Variants in PCDH15 observed in about 807,000 individuals in gnomAD.
The protein encoded by PCDH15 is protocadherin related 15.
In PCDH15, 129 loss-of-function variants were observed where a neutral mutation model predicts 178.5. That is an observed-to-expected ratio of 0.72 (90% confidence interval 0.63 to 0.84). The LOEUF (loss-of-function observed/expected upper bound fraction) is 0.84, where lower values mean the gene tolerates loss of function less well. PCDH15 is among the 40% of genes least tolerant of loss of function. PCDH15 has a pLI of 0.00. For synonymous variants in PCDH15, 800 were observed against 732.0 expected, an observed-to-expected ratio of 1.09 and a Z score of -1.50; for missense variants, 2,230 against 2,099.9, an observed-to-expected ratio of 1.06 and a Z score of -1.21.
intron 2 of PCDH15, among the ~76,000 whole-genome samples, chr10:55,144,775 T>C (rs1838456721): frequency 6.6e-6 from 1 of 152,128 alleles, no homozygotes; most frequent in Non-Finnish European, 1.5e-5. Context: ...TATAATTACT[T>C]GCTCACATTT....
intron 2 of PCDH15, among the ~76,000 whole-genome samples, chr10:55,353,470 A>T (rs1844995409): frequency 6.6e-6 from 1 of 152,134 alleles, no homozygotes; most frequent in Non-Finnish European, 1.5e-5. Context: ...CTGGTTCTAG[A>T]CCAGAAATTT....
At chr10:55,614,959 T>C (rs1055701059) in intron 2 of PCDH15, among the ~76,000 whole-genome samples, 1 of 152,134 alleles carries the variant, frequency 6.6e-6, no homozygotes, top group East Asian at 1.9e-4. Flanking sequence ...ATTTTCCTTT[T>C]ATAGGAAGCT....
intron 3 of PCDH15, among the ~76,000 whole-genome samples, chr10:54,494,274 A>T (rs955657867): frequency 3.3e-5 from 5 of 152,186 alleles, no homozygotes; most frequent in African/African-American, 1.2e-4. Context: ...ACCCTTTTGT[A>T]TTCCAGAGAA....
intron 8 of PCDH15, among the ~76,000 whole-genome samples, chr10:54,262,893 G>C (rs978375452): frequency 6.6e-6 from 1 of 152,028 alleles, no homozygotes; most frequent in African/African-American, 2.4e-5. Flanking sequence ...CCGCCAGGGC[G>C]AGTGTCTGTG....
chr10:54,112,005 T>A (rs2095034180), intron 15 of PCDH15, among the ~76,000 whole-genome samples: 1 of 144,642 alleles, frequency 6.9e-6, no homozygotes, highest in Admixed American at 6.9e-5. Context: ...TAGCTTAGCG[T>A]GGTGGTGGGC....
chr10:55,475,608 A>G (rs1281748158), intron 2 of PCDH15, among the ~76,000 whole-genome samples: 1 of 152,140 alleles, frequency 6.6e-6, no homozygotes, highest in African/African-American at 2.4e-5. Flanking sequence ...CCATAAGCAA[A>G]TTCTTTACAA....
At chr10:55,390,220 A>G (rs1023024505) in intron 2 of PCDH15, among the ~76,000 whole-genome samples, 2 of 152,150 alleles carry the variant, frequency 1.3e-5, no homozygotes, top group Non-Finnish European at 2.9e-5. Flanking sequence ...AAAACAAGGT[A>G]TACACCTTAA....
chr10:53,823,460 A>AACATCAAAGGCCAAACAACACTAACCTAC, intron 32 of PCDH15: 1 of 1,121,858 alleles, frequency 8.9e-7, no homozygotes, highest in Non-Finnish European at 1.4e-6. Context: ...AATACTTAAA[A>AACATCAAAGGCCAAACAACACTAACCTAC]ACATCAAAGG....
At position 53,892,020 on chromosome 10, in the gene PCDH15, GTTTTTTTTTTT is replaced by G. The variant is rs869122093; in HGVS notation, c.3501+11212_3501+11222del. On this transcript the variant is annotated intron_variant, in intron 26 of 37. Transcript: ENST00000644397. ...GTTATCAGAGCAGCTTTACATCTAT[GTTTTTTTTTTT>G]TTTTTTTTTTTTTCCAAGACAGAGT... 4.2e-3 allele frequency among the ~76,000 whole-genome samples: 388 copies of G among 91,890 alleles called. 4 individuals carry two copies. The highest frequency in any genetic ancestry group is 0.015 in the African/African-American group (362 of 23,364). 60.3% of individuals were successfully genotyped at this position (91,890 alleles called of 152,430 possible).
intron 20 of PCDH15, among the ~76,000 whole-genome samples, chr10:54,011,529 A>G (rs1374198675): frequency 6.6e-6 from 1 of 152,222 alleles, no homozygotes; most frequent in Non-Finnish European, 1.5e-5. Context: ...ATATACAGCC[A>G]GCAGTCAAGT....
chr10:54,295,996 T>G lies in PCDH15; in HGVS notation c.876+21275A>C, dbSNP rs371178884. ...CGTCTCTACTAAAAAATACAAAAAA[T>G]TAGCCGGGCGTAGTGGCGGGCGCCT... On this transcript the variant is annotated intron_variant, in intron 8 of 37. Coordinates refer to ENST00000644397, the MANE Select transcript of PCDH15 (RefSeq NM_001384140.1). Among the ~76,000 whole-genome samples the G allele has an allele frequency of 4.7e-5, 7 of 150,228 alleles. No homozygotes were observed. In the East Asian group the frequency reaches 7.9e-4, roughly 17 times the overall value.
rs114692644 is a variant in PCDH15 at position 55,382,958 on chromosome 10, A to T, written c.-155-216307T>A. 9.0e-3 allele frequency among the ~76,000 whole-genome samples: 1,368 copies of T among 152,298 alleles called. 26 individuals carry two copies. Among genetic ancestry groups the T allele is most frequent in the African/African-American group, 0.032 (1,318 of 41,568 alleles). ...AGTTAATGCTCTTTTAGCAGTTGCC[A>T]TCTGTGGATGGCTAAGTATTAACCA... On this transcript the variant is annotated intron_variant, in intron 2 of 5. Coordinates refer to the PCDH15 transcript ENST00000613346.
intron 2 of PCDH15, among the ~76,000 whole-genome samples, chr10:54,597,440 T>C (rs574000226): frequency 8.4e-4 from 127 of 152,088 alleles, no homozygotes; most frequent in Middle Eastern, 3.4e-3. Flanking sequence ...TGGGACACAA[T>C]TAAGGCAGTG....
At chr10:55,441,225 C>G (rs1839177195) in intron 2 of PCDH15, among the ~76,000 whole-genome samples, 1 of 152,196 alleles carries the variant, frequency 6.6e-6, no homozygotes, top group Admixed American at 6.5e-5. Flanking sequence ...CCTCTGTAAC[C>G]AATCAGAACT....
chr10:54,227,626 G>A (rs1202107049), intron 9 of PCDH15, among the ~76,000 whole-genome samples: 1 of 152,174 alleles, frequency 6.6e-6, no homozygotes, highest in Non-Finnish European at 1.5e-5. Context: ...TCTGCAGCCA[G>A]CTTGAATTTC....
At chr10:55,448,699 A>G (rs1839370181) in intron 2 of PCDH15, among the ~76,000 whole-genome samples, 1 of 152,082 alleles carries the variant, frequency 6.6e-6, no homozygotes, top group Non-Finnish European at 1.5e-5. Context: ...AATCATGATT[A>G]CTAATGTCTA....
At chr10:54,796,839 GT>G (rs1479395838) in intron 1 of PCDH15, among the ~76,000 whole-genome samples, 1 of 151,976 alleles carries the variant, frequency 6.6e-6, no homozygotes, top group Non-Finnish European at 1.5e-5. Context: ...CTCTCATCCA[GT>G]TTTAATGACC....
intron 26 of PCDH15, among the ~76,000 whole-genome samples, chr10:53,877,960 T>G (rs1443522806): frequency 1.3e-5 from 2 of 152,136 alleles, no homozygotes; most frequent in East Asian, 3.9e-4. Context: ...CAGAGATGAA[T>G]GTTAAAACAA....
At position 54,459,814 on chromosome 10, in the gene PCDH15, ACTC is replaced by A. The variant is rs201590541; in HGVS notation, c.157+67995_157+67997del. 2.9e-3 allele frequency among the ~76,000 whole-genome samples: 441 copies of A among 152,146 alleles called. 3 individuals are homozygous for A. The highest frequency in any genetic ancestry group is 0.014 in the East Asian group (73 of 5,170). On this transcript the variant is annotated intron_variant, in intron 3 of 37. Transcript: ENST00000644397. ...AAGTTTAAAGCAGATATAGGAATAA[ACTC>A]CTATTTCACTGGTCTCTTCCAGAGA...
Sources: allele counts gnomAD v4.1 joint callset (sites outside exome capture counted in the v4.1 genomes callset), GRCh38; gene constraint gnomAD v4.1.1; transcripts MANE v1.5; gene names NCBI Gene and HGNC (gene_info 2026-07-23, HGNC 2026-07-21).